The following EYA1 variants were observed in gnomAD, a reference collection of about 807,000 sequenced individuals.
The protein encoded by EYA1 is protein phosphatase EYA1.
EYA1 carries 16 observed loss-of-function variants against 82.0 expected under a neutral mutation model. The ratio of observed to expected loss-of-function variants is 0.20; its 90% CI spans 0.13 to 0.30. The LOEUF (loss-of-function observed/expected upper bound fraction) is 0.30, where lower values mean the gene tolerates loss of function less well. EYA1 is among the 10% of genes least tolerant of loss of function. The pLI, the probability that EYA1 is intolerant of heterozygous loss-of-function variation, is 1.00. For missense variants in EYA1, 633 were observed against 730.7 expected (o/e 0.87, Z 1.54); for synonymous variants, 261 against 264.4 (o/e 0.99, Z 0.12).
intron 2 of EYA1, among the ~76,000 whole-genome samples, chr8:71,440,011 A>G (rs1379532387): frequency 2.0e-5 from 3 of 152,174 alleles, no homozygotes; most frequent in Non-Finnish European, 4.4e-5. Flanking sequence ...AGACTAGATA[A>G]GCCAAAGCAA....
intron 2 of EYA1, among the ~76,000 whole-genome samples, chr8:71,484,934 C>A (rs1586809909): frequency 6.6e-6 from 1 of 152,186 alleles, no homozygotes; most frequent in Admixed American, 6.5e-5. Flanking sequence ...AAATTCTTCA[C>A]AAGCCTCATG....
chr8:71,317,943 A>T (rs749640873), intron 6 of EYA1, among the ~76,000 whole-genome samples: 9 of 152,176 alleles, frequency 5.9e-5, no homozygotes, highest in Non-Finnish European at 1.2e-4. Context: ...CCCTTCTATA[A>T]AATGTAACTC....
At chr8:71,209,354 G>A (rs997707484) in intron 17 of EYA1, among the ~76,000 whole-genome samples, 6 of 152,184 alleles carry the variant, frequency 3.9e-5, no homozygotes, top group Non-Finnish European at 7.4e-5. Flanking sequence ...GTTGGTCGTC[G>A]GTGAAGTGGG....
chr8:71,407,386 CGAGCTGA>C (rs1196527984), intron 2 of EYA1, among the ~76,000 whole-genome samples: 2 of 143,928 alleles, frequency 1.4e-5, no homozygotes, highest in African/African-American at 5.2e-5. Flanking sequence ...ATGACTTTGA[CGAGCTGA>C]GAGAAGAAGG....
intron 2 of EYA1, among the ~76,000 whole-genome samples, chr8:71,530,529 A>G (rs1814181748): frequency 2.0e-5 from 3 of 152,212 alleles, no homozygotes; most frequent in African/African-American, 7.2e-5. Context: ...TAAGTTATCT[A>G]AAAGTTTCAC....
chr8:71,356,826 G>A, intron 1 of EYA1: 2 of 906,620 alleles, frequency 2.2e-6, no homozygotes, highest in South Asian at 5.3e-5. Context: ...AAGCAGCCTT[G>A]CCCAGGCAGC....
intron 5 of EYA1, 31 bp downstream of exon 5, chr8:71,322,168 T>G: frequency 6.4e-7 from 1 of 1,555,308 alleles, no homozygotes; most frequent in Non-Finnish European, 8.9e-7. Flanking sequence ...TCAGAGAAGT[T>G]ATTTATTGAT....
intron 2 of EYA1, among the ~76,000 whole-genome samples, chr8:71,525,803 G>T (rs755814444): frequency 6.6e-6 from 1 of 152,142 alleles, no homozygotes; most frequent in Non-Finnish European, 1.5e-5. Flanking sequence ...GGAGACAAGT[G>T]GGGGCTAAAG....
chr8:71,486,799 G>C (rs1316624009), intron 2 of EYA1, among the ~76,000 whole-genome samples: 1 of 151,918 alleles, frequency 6.6e-6, no homozygotes, highest in Non-Finnish European at 1.5e-5. Flanking sequence ...GTTGTCTCAG[G>C]GTCATGCTGA....
intron 2 of EYA1, among the ~76,000 whole-genome samples, chr8:71,408,924 T>G (rs941938154): frequency 2.7e-5 from 3 of 110,616 alleles, no homozygotes; most frequent in Non-Finnish European, 3.6e-5. Context: ...ATATACATTT[T>G]TTTCAGCACC....
At chr8:71,433,705 G>C (rs1442418639) in intron 2 of EYA1, among the ~76,000 whole-genome samples, 2 of 152,184 alleles carry the variant, frequency 1.3e-5, no homozygotes, top group Non-Finnish European at 2.9e-5. Flanking sequence ...ACAGCAGAGA[G>C]GCCAACCTGT....
In EYA1 at chr8:71,221,920, C is replaced by T. The variant is rs1809968908; in HGVS notation, c.1141-4897G>A. On this transcript the variant is annotated intron_variant, in intron 12 of 17. Transcript: ENST00000340726. ...AAACACACTGCACAGGCTCAGTTCC[C>T]AAGGGTAAGGGGGGCAATGCACATG... 2.0e-5 allele frequency among the ~76,000 whole-genome samples: 3 copies of T among 152,108 alleles called. No homozygotes were observed. The South Asian group carries it at 6.2e-4, about 32-fold the overall frequency.
chr8:71,328,877 C>A (rs563576787), intron 4 of EYA1, among the ~76,000 whole-genome samples: 1 of 152,282 alleles, frequency 6.6e-6, no homozygotes, highest in African/African-American at 2.4e-5. Context: ...ATCCTGGCCC[C>A]TTTTCCCCAC....
At chr8:71,217,848 C>G (rs1809412077) in intron 12 of EYA1, among the ~76,000 whole-genome samples, 1 of 152,146 alleles carries the variant, frequency 6.6e-6, no homozygotes, top group African/African-American at 2.4e-5. Flanking sequence ...CAGGCTAAAG[C>G]TCTATTGGGC....
chr8:71,404,548 T>C (rs1439437548), intron 2 of EYA1: 1 of 152,176 alleles, frequency 6.6e-6, no homozygotes, highest in Non-Finnish European at 1.5e-5. Flanking sequence ...GTTTAAAAGC[T>C]AGAGGTAAAA....
At chr8:71,218,284 G>T (rs1809461077) in intron 12 of EYA1, among the ~76,000 whole-genome samples, 1 of 152,126 alleles carries the variant, frequency 6.6e-6, no homozygotes, top group Non-Finnish European at 1.5e-5. Context: ...TCATAACAAA[G>T]ATGACACTTA....
chr8:71,391,453 T>G (rs1288467052), intron 2 of EYA1, among the ~76,000 whole-genome samples: 1 of 152,238 alleles, frequency 6.6e-6, no homozygotes, highest in Non-Finnish European at 1.5e-5. Flanking sequence ...TTGTATCTAT[T>G]GGTTGTCTTT....
intron 2 of EYA1, among the ~76,000 whole-genome samples, chr8:71,491,922 T>C (rs1285089980): frequency 6.6e-6 from 1 of 152,188 alleles, no homozygotes; most frequent in Non-Finnish European, 1.5e-5. Flanking sequence ...TTTTTTTAAC[T>C]TAAGAAGCAA....
At chr8:71,512,724 A>G (rs1368447868) in intron 2 of EYA1, among the ~76,000 whole-genome samples, 1 of 152,156 alleles carries the variant, frequency 6.6e-6, no homozygotes, top group African/African-American at 2.4e-5. Context: ...CCAAAATTTT[A>G]AAATGTAATG....
Sources: allele counts gnomAD v4.1 joint callset (sites outside exome capture counted in the v4.1 genomes callset), GRCh38; gene constraint gnomAD v4.1.1; transcripts MANE v1.5; gene names NCBI Gene and HGNC (gene_info 2026-07-23, HGNC 2026-07-21).